Variants in CACNA2D3 observed in about 807,000 individuals in gnomAD.
The protein encoded by CACNA2D3 is calcium voltage-gated channel auxiliary subunit alpha2delta 3, also known as voltage-dependent calcium channel subunit alpha-2/delta-3.
CACNA2D3 carries 60 observed loss-of-function variants against 160.6 expected under a neutral mutation model. The ratio of observed to expected loss-of-function variants is 0.37; its 90% CI spans 0.30 to 0.46. CACNA2D3 has a LOEUF of 0.46. Among genes scored for constraint, CACNA2D3 ranks in the 20% least tolerant of loss-of-function variants. The pLI is 1.00. For missense variants in CACNA2D3, 1,205 were observed against 1,365.0 expected, an observed-to-expected ratio of 0.88 and a Z score of 1.85; for synonymous variants, 558 against 492.9, an observed-to-expected ratio of 1.13 and a Z score of -1.75.
At chr3:54,846,717 T>C (rs1318622946) in intron 17 of CACNA2D3, among the ~76,000 whole-genome samples, 2 of 152,364 alleles carry the variant, frequency 1.3e-5, no homozygotes, top group African/African-American at 4.8e-5. Context: ...ATTTATTTAT[T>C]TATCTCACAT....
intron 27 of CACNA2D3, among the ~76,000 whole-genome samples, chr3:54,958,870 A>G (rs531894520): frequency 1.4e-4 from 22 of 152,166 alleles, no homozygotes; most frequent in Admixed American, 8.5e-4. Context: ...TTGGGAGGCC[A>G]AGGCAGGAGG....
At chr3:54,635,583 T>C (rs1356078050) in intron 10 of CACNA2D3, among the ~76,000 whole-genome samples, 2 of 151,986 alleles carry the variant, frequency 1.3e-5, no homozygotes, top group African/African-American at 4.8e-5. Flanking sequence ...TACAGGAGCT[T>C]AAATGGGCTG....
intron 29 of CACNA2D3, among the ~76,000 whole-genome samples, chr3:54,982,336 T>G (rs534972009): frequency 1.1e-4 from 16 of 152,264 alleles, no homozygotes; most frequent in Non-Finnish European, 1.5e-4. Context: ...TCTTTGCCTT[T>G]CATTAATAGG....
At chr3:54,349,819 C>T (rs1698522224) in intron 3 of CACNA2D3, among the ~76,000 whole-genome samples, 2 of 152,182 alleles carry the variant, frequency 1.3e-5, no homozygotes, top group South Asian at 4.1e-4. Flanking sequence ...CTCAGTCCTC[C>T]TTCCTGTACC....
At position 54,626,684 on chromosome 3, in the gene CACNA2D3, C is replaced by CAAAA. The variant is rs71096430; in HGVS notation, c.964-1081_964-1078dup. 5.9e-3 allele frequency: 1,858 copies of CAAAA among 317,260 alleles called. 8 individuals are homozygous for CAAAA. Among genetic ancestry groups the CAAAA allele is most frequent in the African/African-American group, 0.015 (330 of 21,384 alleles). 19.7% of individuals were successfully genotyped at this position (317,260 alleles called of 1,614,324 possible). ...TAATAAAGGCGCACATGGTTCCAGT[C>CAAAA]AAAAAAAAAAAAAAAAAAAAAAAAA... On this transcript the variant is annotated intron_variant, in intron 9 of 37. Coordinates refer to ENST00000474759, the MANE Select transcript of CACNA2D3 (RefSeq NM_018398.3).
At chr3:55,043,777 C>A (rs568848656) in intron 35 of CACNA2D3, among the ~76,000 whole-genome samples, 2 of 152,264 alleles carry the variant, frequency 1.3e-5, no homozygotes, top group South Asian at 4.1e-4. Flanking sequence ...GTCAGCTTTA[C>A]ATTTAGGTCT....
chr3:54,461,130 T>C (rs1481145171), intron 4 of CACNA2D3, among the ~76,000 whole-genome samples: 5 of 152,172 alleles, frequency 3.3e-5, no homozygotes, highest in Non-Finnish European at 7.3e-5. Flanking sequence ...TGAAGCCCAC[T>C]TGATCATGGT....
intron 2 of CACNA2D3, among the ~76,000 whole-genome samples, chr3:54,286,977 C>A (rs1301301563): frequency 2.0e-5 from 3 of 152,138 alleles, no homozygotes; most frequent in African/African-American, 4.8e-5. Context: ...AAAAACATGC[C>A]AAATTGAAAA....
intron 2 of CACNA2D3, among the ~76,000 whole-genome samples, chr3:54,319,199 C>CACACACACACACACACACAT (rs1291286123): frequency 2.4e-4 from 36 of 149,272 alleles, no homozygotes; most frequent in Middle Eastern, 6.9e-3. Context: ...CACACACACA[C>CACACACACACACACACACAT]ACCCTTCCTC....
chr3:54,894,271 A>G (rs1256677121), intron 25 of CACNA2D3, among the ~76,000 whole-genome samples: 1 of 152,152 alleles, frequency 6.6e-6, no homozygotes, highest in Non-Finnish European at 1.5e-5. Flanking sequence ...ATTGCTGCCT[A>G]GTAGTTGGCA....
In CACNA2D3 at chr3:55,051,054, C is replaced by G. The variant is rs1032645477; in HGVS notation, c.2988-22391C>G. Among the ~76,000 whole-genome samples the G allele has an allele frequency of 2.3e-4, 34 of 150,506 alleles. 1 individual carries two copies. Among genetic ancestry groups the G allele is most frequent in the Non-Finnish European group, 1.5e-5 (1 of 67,768 alleles). ...CTTCTTTGCCTTTGGTTTGAATGTC[C>G]TCCCGTAGCTCAGAGTAATTTGATT... On this transcript the variant is annotated intron_variant, in intron 35 of 37. Transcript: ENST00000474759.
At chr3:54,940,518 A>G (rs1311569892) in intron 27 of CACNA2D3, among the ~76,000 whole-genome samples, 1 of 152,204 alleles carries the variant, frequency 6.6e-6, no homozygotes, top group Non-Finnish European at 1.5e-5. Flanking sequence ...ATTTGCTGTC[A>G]GGGTGAACTC....
intron 9 of CACNA2D3, among the ~76,000 whole-genome samples, chr3:54,588,756 T>G (rs1163097260): frequency 6.6e-6 from 1 of 152,090 alleles, no homozygotes; most frequent in African/African-American, 2.4e-5. Context: ...AGGCTGTATT[T>G]GCTGAAAATT....
intron 13 of CACNA2D3, among the ~76,000 whole-genome samples, chr3:54,772,294 G>A (rs1921548): frequency 0.24 from 36,005 of 151,188 alleles, 4,444 homozygotes; most frequent in Admixed American, 0.3. Context: ...CCCAGCAGCA[G>A]TAAATATAAT....
chr3:54,866,891 G>C (rs1047776544), intron 17 of CACNA2D3, among the ~76,000 whole-genome samples: 1 of 152,106 alleles, frequency 6.6e-6, no homozygotes. Context: ...CCCCACATCT[G>C]GCCTTTATTT....
At chr3:54,998,704 T>A (rs993945825) in intron 31 of CACNA2D3, among the ~76,000 whole-genome samples, 1 of 149,550 alleles carries the variant, frequency 6.7e-6, no homozygotes, top group Non-Finnish European at 1.5e-5. Context: ...GCTCATTAGC[T>A]AAAGTTGGTT....
At chr3:54,462,357 C>G (rs1700522781) in intron 4 of CACNA2D3, among the ~76,000 whole-genome samples, 2 of 152,254 alleles carry the variant, frequency 1.3e-5, no homozygotes, top group South Asian at 4.1e-4. Flanking sequence ...GCTGATCTGT[C>G]TAATGTTGAC....
intron 9 of CACNA2D3, among the ~76,000 whole-genome samples, chr3:54,612,025 C>A (rs1403541195): frequency 6.6e-6 from 1 of 152,176 alleles, no homozygotes; most frequent in East Asian, 1.9e-4. Flanking sequence ...CATGGTCTGT[C>A]CCAGGAGTTG....
chr3:54,596,876 A>G lies in CACNA2D3; in HGVS notation c.963+14999A>G, dbSNP rs535603220. Reference sequence around the variant, plus strand: ...TCTCAGATAAAATAACATTCCCTTTAGGAAATCTTCCCTTCCCACCTAACA... The same window carrying G: ...TCTCAGATAAAATAACATTCCCTTTGGGAAATCTTCCCTTCCCACCTAACA... On this transcript the variant is annotated intron_variant, in intron 9 of 37. Coordinates refer to ENST00000474759, the MANE Select transcript of CACNA2D3 (RefSeq NM_018398.3). Among the ~76,000 whole-genome samples the G allele has an allele frequency of 2.2e-4, 33 of 152,128 alleles. No homozygotes were observed. The South Asian group carries it at 6.6e-3, about 31-fold the overall frequency.
Sources: gnomAD v4.1 joint callset for allele counts (sites outside exome capture counted in the v4.1 genomes callset) on GRCh38, gnomAD v4.1.1 for gene constraint, MANE v1.5 for transcripts, NCBI Gene and HGNC (gene_info 2026-07-23, HGNC 2026-07-21) for gene names.